Variants in DPP10 observed in about 807,000 individuals in gnomAD.
DPP10 encodes the protein dipeptidyl peptidase like 10, also known as inactive dipeptidyl peptidase 10.
Under a neutral mutation model 120.9 loss-of-function variants are expected in DPP10, and 33 were observed. The ratio of observed to expected loss-of-function variants is 0.27; its 90% CI spans 0.21 to 0.37. The LOEUF (loss-of-function observed/expected upper bound fraction) is 0.37. Ranked by LOEUF, DPP10 falls within the 10% of genes least tolerant of loss-of-function variation. The pLI, the probability that DPP10 is intolerant of heterozygous loss-of-function variation, is 1.00. For missense variants in DPP10, 816 were observed against 942.8 expected (o/e 0.87, Z 1.76); for synonymous variants, 337 against 326.1 (o/e 1.03, Z -0.36).
chr2:115,514,826 A>G (rs1452105188), intron 4 of DPP10, among the ~76,000 whole-genome samples: 1 of 151,856 alleles, frequency 6.6e-6, no homozygotes, highest in Non-Finnish European at 1.5e-5. Flanking sequence ...TTCCCCCTTC[A>G]TAACTCAGTA....
chr2:115,519,396 T>G lies in DPP10; in HGVS notation c.367-6502T>G, dbSNP rs566072543. Among the ~76,000 whole-genome samples, 6 of 152,214 alleles carry G rather than the reference T, an allele frequency of 3.9e-5. No homozygotes were observed. In the South Asian group the frequency reaches 1.2e-3, roughly 32 times the overall value. ...GGTTGTTTTATTAAATACTCCAATATCAAAATGCATGGTAACAAGAAAATA... is the reference window on the plus strand; with the variant it reads ...GGTTGTTTTATTAAATACTCCAATAGCAAAATGCATGGTAACAAGAAAATA... On this transcript the variant is annotated intron_variant, in intron 4 of 25. Coordinates refer to ENST00000410059, the MANE Select transcript of DPP10 (RefSeq NM_020868.6).
rs975110614 is a variant in DPP10 at position 115,512,564 on chromosome 2, A to G, written c.366+12960A>G. On this transcript the variant is annotated intron_variant, in intron 4 of 25. Transcript: ENST00000410059. ...TTCCCTGTAAGTTCTTCTTTACTAT[A>G]TATCATAAATTTTTGTATTTTGTGT... is the stretch of plus-strand genomic sequence containing the variant. Among the ~76,000 whole-genome samples the G allele has an allele frequency of 2.6e-5, 4 of 151,510 alleles. No individual in the cohort carries two copies. In the South Asian group the frequency reaches 6.2e-4, roughly 24 times the overall value.
chr2:115,790,312 C>T (rs998226898), intron 17 of DPP10, among the ~76,000 whole-genome samples: 13 of 152,012 alleles, frequency 8.6e-5, no homozygotes, highest in Non-Finnish European at 1.8e-4. Flanking sequence ...ATCTCCTGAC[C>T]TCATGATCCA....
rs543213726 is a variant in DPP10, at chr2:115,257,713, C to T, written c.61-51526C>T. Among the ~76,000 whole-genome samples the T allele has an allele frequency of 3.3e-5, 5 of 152,242 alleles. No homozygotes were observed. The South Asian group carries it at 1.0e-3, about 32-fold the overall frequency. On this transcript the variant is annotated intron_variant, in intron 1 of 25. Transcript: ENST00000410059. ...GGATGTACAACTAAGTAGAAGCCCCCTTAGTTTCAGATGTTGAGTATTTTT... is the reference window on the plus strand; with the variant it reads ...GGATGTACAACTAAGTAGAAGCCCCTTTAGTTTCAGATGTTGAGTATTTTT...
intron 5 of DPP10, among the ~76,000 whole-genome samples, chr2:115,587,045 C>A (rs544912268): frequency 6.7e-6 from 1 of 149,354 alleles, no homozygotes; most frequent in Admixed American, 6.7e-5. Context: ...AGTTTATAAC[C>A]TTTGACCAAC....
chr2:115,340,002 ATAT>A (rs1172891968), intron 2 of DPP10, among the ~76,000 whole-genome samples: 14 of 152,180 alleles, frequency 9.2e-5, no homozygotes, highest in African/African-American at 3.1e-4. Context: ...TCTTTTCGTG[ATAT>A]TATTATGCAG....
chr2:115,511,887 C>T (rs1225444400), intron 4 of DPP10, among the ~76,000 whole-genome samples: 1 of 151,314 alleles, frequency 6.6e-6, no homozygotes, highest in Non-Finnish European at 1.5e-5. Flanking sequence ...CCACCATTCC[C>T]AGCTAATTTT....
intron 1 of DPP10, among the ~76,000 whole-genome samples, chr2:114,986,737 A>G (rs1468504248): frequency 2.6e-5 from 4 of 152,272 alleles, no homozygotes; most frequent in Admixed American, 1.3e-4. Context: ...GCTAACAATG[A>G]ATTTTACAAA....
chr2:115,039,061 G>C (rs967807653), intron 1 of DPP10, among the ~76,000 whole-genome samples: 1 of 152,102 alleles, frequency 6.6e-6, no homozygotes, highest in African/African-American at 2.4e-5. Context: ...ATGCTTCCAG[G>C]GCACATGGAC....
At chr2:115,521,261 G>A (rs2077790812) in intron 4 of DPP10, among the ~76,000 whole-genome samples, 1 of 152,120 alleles carries the variant, frequency 6.6e-6, no homozygotes, top group African/African-American at 2.4e-5. Context: ...TGTCATTTGG[G>A]GAACTTGTTC....
At chr2:115,798,779 T>C (rs1456996941) in intron 19 of DPP10, among the ~76,000 whole-genome samples, 1 of 152,148 alleles carries the variant, frequency 6.6e-6, no homozygotes, top group Non-Finnish European at 1.5e-5. Flanking sequence ...ACGTTTTGAT[T>C]TGGAATCATT....
In DPP10 at chr2:114,442,768, G is replaced by A. The variant is rs1169155433; in HGVS notation, c.-11G>A. 3.7e-6 allele frequency: 6 copies of A among 1,612,992 alleles called. No homozygotes were observed. The highest frequency in any genetic ancestry group is 1.7e-5 in the Admixed American group (1 of 59,910). ...CCGCCTGGGATTGTGCACTGTCCAG[G>A]GTCCTGAAACATGAACCAAACTGCC... On this transcript the variant is annotated 5_prime_UTR_variant, in exon 1 of 26. Transcript: ENST00000410059.
At chr2:115,391,103 A>T (rs1383975351) in intron 3 of DPP10, among the ~76,000 whole-genome samples, 1 of 152,202 alleles carries the variant, frequency 6.6e-6, no homozygotes, top group South Asian at 2.1e-4. Context: ...TTTAAGAACC[A>T]CATGAAGGTA....
intron 1 of DPP10, among the ~76,000 whole-genome samples, chr2:115,000,253 T>G (rs1574665644): frequency 6.6e-6 from 1 of 152,240 alleles, no homozygotes; most frequent in East Asian, 1.9e-4. Flanking sequence ...TTTTAAAATC[T>G]AATTCATTAA....
At chr2:115,530,272 A>G (rs565079088) in intron 5 of DPP10, among the ~76,000 whole-genome samples, 41 of 152,186 alleles carry the variant, frequency 2.7e-4, no homozygotes, top group African/African-American at 7.2e-4. Context: ...AAATTGAATT[A>G]CCTCCTTCAA....
At chr2:114,956,385 T>C (rs1698201632) in intron 1 of DPP10, among the ~76,000 whole-genome samples, 1 of 151,482 alleles carries the variant, frequency 6.6e-6, no homozygotes, top group African/African-American at 2.4e-5. Flanking sequence ...TAGGAGTAAA[T>C]TTAACTGAAG....
chr2:114,470,660 G>A (rs1679830019), intron 1 of DPP10, among the ~76,000 whole-genome samples: 1 of 152,140 alleles, frequency 6.6e-6, no homozygotes, highest in Non-Finnish European at 1.5e-5. Context: ...AAATTTACAA[G>A]TTACTTTGCA....
At chr2:114,587,875 G>A (rs1463663462) in intron 1 of DPP10, among the ~76,000 whole-genome samples, 1 of 152,228 alleles carries the variant, frequency 6.6e-6, no homozygotes, top group East Asian at 1.9e-4. Flanking sequence ...TAATATTTGT[G>A]AGGACCAGTG....
chr2:115,419,955 T>C (rs1341202277), intron 3 of DPP10, among the ~76,000 whole-genome samples: 1 of 152,210 alleles, frequency 6.6e-6, no homozygotes, highest in Non-Finnish European at 1.5e-5. Context: ...TGCAATTGTA[T>C]ATATCTGTAG....
Sources: gnomAD v4.1 joint callset for allele counts (sites outside exome capture counted in the v4.1 genomes callset) on GRCh38, gnomAD v4.1.1 for gene constraint, MANE v1.5 for transcripts, NCBI Gene and HGNC (gene_info 2026-07-23, HGNC 2026-07-21) for gene names.